VAT1L: variants seen among roughly 807,000 people sequenced by gnomAD.
The protein encoded by VAT1L is vesicle amine transport 1 like.
Under a neutral mutation model 44.1 loss-of-function variants are expected in VAT1L, and 34 were observed. That is an observed-to-expected ratio of 0.77 (90% CI 0.59 to 1.03). The LOEUF is 1.03. VAT1L is among the 50% of genes least tolerant of loss of function. The probability of loss-of-function intolerance (pLI) is 0.00; values close to 1 mark genes in which losing one functional copy is unlikely to be tolerated. For missense variants in VAT1L, 615 were observed against 538.8 expected (o/e 1.14, Z -1.40); for synonymous variants, 253 against 202.2 (o/e 1.25, Z -2.13).
chr16:77,839,535 C>CAAAAAAAAAAAAAAAAAAA (rs71137846), intron 3 of VAT1L, among the ~76,000 whole-genome samples: 1 of 49,070 alleles, frequency 2.0e-5, no homozygotes, highest in African/African-American at 9.1e-5. Flanking sequence ...TACTCCATAT[C>CAAAAAAAAAAAAAAAAAAA]AAAAAAAAAA....
At chr16:77,814,395 G>A (rs989760260) in intron 1 of VAT1L, among the ~76,000 whole-genome samples, 1 of 152,184 alleles carries the variant, frequency 6.6e-6, no homozygotes, top group Non-Finnish European at 1.5e-5. Context: ...GCCTCACTGA[G>A]GAAACAGGGT....
intron 2 of VAT1L, among the ~76,000 whole-genome samples, chr16:77,820,901 A>C (rs944990347): frequency 1.3e-5 from 2 of 152,188 alleles, no homozygotes; most frequent in Non-Finnish European, 2.9e-5. Context: ...CCCCTTCCCC[A>C]GTAGTTTCCC....
rs66461822 is a variant in VAT1L, at chr16:77,946,279, CTT to C, written c.1078-25550_1078-25549del. 1.1e-4 allele frequency among the ~76,000 whole-genome samples: 8 copies of C among 70,418 alleles called. 1 individual carries two copies. The highest frequency in any genetic ancestry group is 1.5e-4 in the Non-Finnish European group (6 of 39,604). 46.2% of individuals were successfully genotyped at this position (70,418 alleles called of 152,430 possible). ...GTTCTGGACATCTAGGTTACTTGTT[CTT>C]TTTTTTTTTTTTTTTTTTTTGAGAC... On this transcript the variant is annotated intron_variant, in intron 7 of 8. Transcript: ENST00000302536.
chr16:77,925,628 C>T (rs1443519375), intron 7 of VAT1L, among the ~76,000 whole-genome samples: 1 of 152,176 alleles, frequency 6.6e-6, no homozygotes. Context: ...GACTAGCTAG[C>T]CCAGAACTGT....
At chr16:77,799,507 GT>G (rs2016004770) in intron 1 of VAT1L, among the ~76,000 whole-genome samples, 1 of 698 alleles carries the variant, frequency 1.4e-3, no homozygotes, top group Non-Finnish European at 7.5e-3. Flanking sequence ...AATACATGGT[GT>G]GTGTGTGTGT....
intron 7 of VAT1L, among the ~76,000 whole-genome samples, chr16:77,888,990 T>C (rs2017236731): frequency 6.6e-6 from 1 of 152,190 alleles, no homozygotes; most frequent in Non-Finnish European, 1.5e-5. Flanking sequence ...AGACATCTGT[T>C]TGGAGCTGCA....
intron 2 of VAT1L, among the ~76,000 whole-genome samples, chr16:77,821,097 C>G (rs2016445594): frequency 6.6e-6 from 1 of 152,152 alleles, no homozygotes. Flanking sequence ...TTGTAATTAT[C>G]CATCAACCCA....
At chr16:77,790,485 C>T (rs879352294) in intron 1 of VAT1L, among the ~76,000 whole-genome samples, 1 of 152,050 alleles carries the variant, frequency 6.6e-6, no homozygotes, top group African/African-American at 2.4e-5. Context: ...GGAAAGAGCT[C>T]GGAGGAGGAT....
At chr16:77,820,159 G>A (rs2016426499) in intron 2 of VAT1L, among the ~76,000 whole-genome samples, 1 of 152,074 alleles carries the variant, frequency 6.6e-6, no homozygotes, top group Non-Finnish European at 1.5e-5. Context: ...GACTATCTGA[G>A]GCCATTTCTT....
At chr16:77,812,083 TC>T (rs150667522) in intron 1 of VAT1L, among the ~76,000 whole-genome samples, 6 of 103,606 alleles carry the variant, frequency 5.8e-5, no homozygotes, top group African/African-American at 2.2e-4. Flanking sequence ...TGTCCTTGAA[TC>T]TTTTTTTTTT....
intron 7 of VAT1L, among the ~76,000 whole-genome samples, chr16:77,912,496 C>T (rs976503940): frequency 1.1e-4 from 16 of 152,112 alleles, no homozygotes; most frequent in Non-Finnish European, 2.2e-4. Context: ...CGGCTCACTG[C>T]AGCCTCAACC....
chr16:77,913,775 T>A (rs1345468537), intron 7 of VAT1L, among the ~76,000 whole-genome samples: 2 of 152,162 alleles, frequency 1.3e-5, no homozygotes, highest in Non-Finnish European at 2.9e-5. Context: ...ATATTGGACA[T>A]CAGATATAAA....
At chr16:77,832,063 G>A (rs2016585748) in intron 3 of VAT1L, among the ~76,000 whole-genome samples, 1 of 149,644 alleles carries the variant, frequency 6.7e-6, no homozygotes, top group South Asian at 2.1e-4. Context: ...CCTGACCTCG[G>A]GCAATCCACC....
Position 77,977,946 on chromosome 16 carries a change from T to A in VAT1L, c.*251T>A, listed in dbSNP as rs181228929. On this transcript the variant is annotated 3_prime_UTR_variant, in exon 9 of 9. Transcript: ENST00000302536. ...CTCCCCTGTATCAAAACCATCCATC[T>A]GTGGGTTCTTCTTGACAGTTCTAGA... The A allele has an allele frequency of 1.3e-4, 54 of 431,498 alleles. No homozygotes were observed. The East Asian group carries it at 2.2e-3, about 17-fold the overall frequency. 26.7% of individuals were successfully genotyped at this position (431,498 alleles called of 1,614,324 possible). A position where few individuals can be genotyped will look rare whatever the true frequency, so the allele number is the denominator to read the frequency against.
intron 7 of VAT1L, among the ~76,000 whole-genome samples, chr16:77,953,840 T>C (rs146437862): frequency 3.5e-4 from 53 of 152,276 alleles, no homozygotes; most frequent in Admixed American, 1.5e-3. Context: ...CTAGTAGGCA[T>C]TGGTTCACAC....
intron 3 of VAT1L, among the ~76,000 whole-genome samples, chr16:77,851,570 T>C (rs2016809136): frequency 6.6e-6 from 1 of 152,062 alleles, no homozygotes; most frequent in Admixed American, 6.6e-5. Context: ...GGAGGATCGC[T>C]TGAGACCAAG....
intron 3 of VAT1L, among the ~76,000 whole-genome samples, chr16:77,853,165 C>G (rs17774520): frequency 0.029 from 4,448 of 152,242 alleles, 103 homozygotes; most frequent in Middle Eastern, 0.099. Context: ...CTAGGAAAAC[C>G]CGGTGCACCG....
chr16:77,892,450 G>A, intron 7 of VAT1L: 1 of 494,944 alleles, frequency 2.0e-6, no homozygotes, highest in Non-Finnish European at 4.0e-6. Flanking sequence ...TGTTGGGGTT[G>A]ACAGTGCGGT....
At chr16:77,955,703 T>G (rs1597119988) in intron 7 of VAT1L, among the ~76,000 whole-genome samples, 1 of 137,202 alleles carries the variant, frequency 7.3e-6, no homozygotes, top group Non-Finnish European at 1.5e-5. Flanking sequence ...CCGGCCTGGG[T>G]GACAGAGGCT....
Sources: gnomAD v4.1 joint callset for allele counts (sites outside exome capture counted in the v4.1 genomes callset) on GRCh38, gnomAD v4.1.1 for gene constraint, MANE v1.5 for transcripts, NCBI Gene and HGNC (gene_info 2026-07-23, HGNC 2026-07-21) for gene names.